The following AATF variants were observed in gnomAD, a reference collection of about 807,000 sequenced individuals.
The protein encoded by AATF is apoptosis antagonizing transcription factor, also known as protein AATF.
Under a neutral mutation model 63.7 loss-of-function variants are expected in AATF, and 48 were observed. That is an observed-to-expected ratio of 0.75 (90% CI 0.60 to 0.96). AATF has a LOEUF of 0.96. Ranked by LOEUF, AATF falls within the 40% of genes least tolerant of loss-of-function variation. The probability of loss-of-function intolerance (pLI) is 0.00; values close to 1 mark genes in which losing one functional copy is unlikely to be tolerated. For synonymous variants in AATF, 258 were observed against 247.7 expected, an observed-to-expected ratio of 1.04 and a Z score of -0.39; for missense variants, 639 against 685.7, an observed-to-expected ratio of 0.93 and a Z score of 0.76.
At chr17:37,005,856 A>G (rs958630587) in intron 8 of AATF, among the ~76,000 whole-genome samples, 3 of 152,198 alleles carry the variant, frequency 2.0e-5, no homozygotes, top group East Asian at 1.9e-4. Flanking sequence ...TGCTGGGTAC[A>G]GTGGCTCACT....
chr17:36,988,768 C>G, intron 6 of AATF, 48 bp downstream of exon 6: 1 of 1,568,380 alleles, frequency 6.4e-7, no homozygotes, highest in Non-Finnish European at 8.7e-7. Flanking sequence ...GTTGTGGCAA[C>G]TTGAAGAAGT....
chr17:36,961,391 AAC>A (rs1427291214), intron 4 of AATF, among the ~76,000 whole-genome samples: 7 of 152,364 alleles, frequency 4.6e-5, no homozygotes, highest in African/African-American at 1.2e-4. Flanking sequence ...TTAAAAAAGA[AAC>A]AGTTAAAATT....
rs2071801221 is a variant in AATF at position 37,056,657 on chromosome 17, G to A, written c.1676G>A (p.Gly559Glu). 6.2e-7 allele frequency: 1 copy of A among 1,614,196 alleles called. No homozygotes were observed. Reference protein sequence around the residue: ...GQLHPPDEGHGD With the variant: ...GQLHPPDEGHED ...CTCCACCCTCCCGACGAAGGCCACG[G>A]GGATTGACATCGCCCACCTCCGACA... is the stretch of plus-strand genomic sequence containing the variant. The change falls in exon 12 of 12, where the codon GGG becomes GAG. Residue 559 changes from glycine (G) to glutamate (E), a missense_variant. Coordinates refer to ENST00000619387, the MANE Select transcript of AATF (RefSeq NM_012138.4).
intron 8 of AATF, among the ~76,000 whole-genome samples, chr17:37,007,843 G>C (rs1055056281): frequency 5.9e-5 from 9 of 152,238 alleles, no homozygotes; most frequent in Admixed American, 5.9e-4. Context: ...AGGGTATTGT[G>C]GGGGAGCTGA....
chr17:36,964,159 G>T (rs2070971834), intron 4 of AATF, among the ~76,000 whole-genome samples: 1 of 150,162 alleles, frequency 6.7e-6, no homozygotes. Context: ...GGTCAAAAGA[G>T]GGGTGTTTTG....
intron 5 of AATF, 60 bp downstream of exon 5, chr17:36,986,791 TTTATGAA>T: frequency 7.1e-7 from 1 of 1,409,818 alleles, no homozygotes; most frequent in Non-Finnish European, 1.0e-6. Flanking sequence ...TTTCCCATCA[TTTATGAA>T]AGAAAAGCTA....
chr17:36,968,270 C>CTTTTTTT (rs3049638), intron 4 of AATF, among the ~76,000 whole-genome samples: 559 of 23,656 alleles, frequency 0.024, 22 homozygotes, highest in Non-Finnish European at 0.029. Context: ...TTCCTTCTTT[C>CTTTTTTT]TTTTTTTTTT....
chr17:36,971,630 C>T (rs117795984), intron 4 of AATF, among the ~76,000 whole-genome samples: 6 of 152,262 alleles, frequency 3.9e-5, no homozygotes, highest in Admixed American at 6.5e-5. Flanking sequence ...TGTACATGCA[C>T]GTTCATAGCA....
At chr17:37,002,903 GTTTTTTTTTTTT>G (rs35926577) in intron 8 of AATF, among the ~76,000 whole-genome samples, 1 of 99,196 alleles carries the variant, frequency 1.0e-5, no homozygotes, top group Non-Finnish European at 2.0e-5. Context: ...TCCTGTTGCT[GTTTTTTTTTTTT>G]TTTTTTTTTT....
intron 4 of AATF, among the ~76,000 whole-genome samples, chr17:36,964,528 A>G (rs982387339): frequency 3.2e-4 from 48 of 152,290 alleles, no homozygotes; most frequent in African/African-American, 1.2e-3. Flanking sequence ...AACAAAAACC[A>G]ATAAACTGCA....
chr17:37,027,310 C>G (rs2071518351), intron 10 of AATF, among the ~76,000 whole-genome samples: 1 of 151,880 alleles, frequency 6.6e-6, no homozygotes, highest in African/African-American at 2.4e-5. Flanking sequence ...TTGGTCTGTT[C>G]TTCCACAACA....
In AATF at chr17:37,012,245, G is replaced by A. The variant is rs140540916; in HGVS notation, c.1399-6760G>A. Among the ~76,000 whole-genome samples, 880 of 152,150 alleles carry A rather than the reference G, an allele frequency of 5.8e-3. 12 individuals are homozygous for A. Among genetic ancestry groups the A allele is most frequent in the African/African-American group, 0.02 (842 of 41,500 alleles). ...ATTTTTTTGTATTTTTACTAGAGAC[G>A]GGGTTCGCCATCTTGGCCAGGCTGG... On this transcript the variant is annotated intron_variant, in intron 8 of 11. Transcript: ENST00000619387.
chr17:37,015,618 T>C (rs935166117), intron 8 of AATF, among the ~76,000 whole-genome samples: 1 of 152,134 alleles, frequency 6.6e-6, no homozygotes, highest in African/African-American at 2.4e-5. Flanking sequence ...TACTGTTGCA[T>C]TGGGGATTAA....
chr17:37,021,486 G>C (rs2071469656), intron 10 of AATF, among the ~76,000 whole-genome samples: 1 of 152,008 alleles, frequency 6.6e-6, no homozygotes, highest in Non-Finnish European at 1.5e-5. Context: ...AAAATTAGCT[G>C]GGTGTGGTGG....
At chr17:37,013,829 A>C (rs765036053) in intron 8 of AATF, among the ~76,000 whole-genome samples, 1 of 152,150 alleles carries the variant, frequency 6.6e-6, no homozygotes, top group African/African-American at 2.4e-5. Flanking sequence ...AGATTTGCCT[A>C]GTTTTCTGTG....
intron 2 of AATF, among the ~76,000 whole-genome samples, chr17:36,951,738 A>G (rs1054910225): frequency 2.0e-5 from 3 of 152,102 alleles, no homozygotes; most frequent in African/African-American, 7.3e-5. Context: ...GTACATTCAA[A>G]GAATTTAAAT....
At chr17:37,051,944 T>C (rs2071755394) in intron 11 of AATF, among the ~76,000 whole-genome samples, 1 of 152,192 alleles carries the variant, frequency 6.6e-6, no homozygotes, top group Non-Finnish European at 1.5e-5. Context: ...CTTGCTTTTG[T>C]AGTTTGCAAT....
At chr17:36,981,233 C>A (rs73985328) in intron 4 of AATF, among the ~76,000 whole-genome samples, 5,782 of 152,068 alleles carry the variant, frequency 0.038, 362 homozygotes, top group African/African-American at 0.13. Flanking sequence ...AAGTTGTAGT[C>A]TTTTGTTGGA....
intron 8 of AATF, among the ~76,000 whole-genome samples, chr17:37,012,896 C>T (rs2071402429): frequency 6.6e-6 from 1 of 152,012 alleles, no homozygotes; most frequent in South Asian, 2.1e-4. Context: ...AATTATAAAC[C>T]TTTTAGAAGA....
Sources: gnomAD v4.1 joint callset for allele counts (sites outside exome capture counted in the v4.1 genomes callset) on GRCh38, gnomAD v4.1.1 for gene constraint, MANE v1.5 for transcripts, NCBI Gene and HGNC (gene_info 2026-07-23, HGNC 2026-07-21) for gene names.